Variants in SOX5 observed in about 807,000 individuals in gnomAD.
SOX5 encodes SRY-box transcription factor 5.
A neutral mutation model predicts 92.0 loss-of-function variants in SOX5; 9 were observed. The observed-to-expected ratio is 0.10, with a 90% CI of 0.06 to 0.17. The LOEUF is 0.17. Ranked by LOEUF, SOX5 falls within the 10% of genes least tolerant of loss-of-function variation. SOX5 has a pLI of 1.00. For synonymous variants in SOX5, 344 were observed against 336.3 expected (o/e 1.02, Z -0.25); for missense variants, 642 against 944.5 (o/e 0.68, Z 4.20).
chr12:24,483,692 G>A (rs955770938), intron 1 of SOX5, among the ~76,000 whole-genome samples: 2 of 152,130 alleles, frequency 1.3e-5, no homozygotes, highest in African/African-American at 2.4e-5. Flanking sequence ...AATTGTTCAC[G>A]TGAGCTGCTG....
At chr12:23,759,800 GTAAT>G (rs2094514322) in intron 3 of SOX5, among the ~76,000 whole-genome samples, 1 of 152,054 alleles carries the variant, frequency 6.6e-6, no homozygotes, top group Non-Finnish European at 1.5e-5. Flanking sequence ...AGTGAATACA[GTAAT>G]TATCTATTAA....
At chr12:24,538,517 TCCCAGG>T (rs1451049413) in intron 1 of SOX5, among the ~76,000 whole-genome samples, 1 of 151,882 alleles carries the variant, frequency 6.6e-6, no homozygotes, top group Non-Finnish European at 1.5e-5. Context: ...GAACACTTTG[TCCCAGG>T]GTTTCAAGCA....
chr12:24,003,751 C>G lies in SOX5; in HGVS notation c.-1-107727G>C, dbSNP rs1475809779. On this transcript the variant is annotated intron_variant, in intron 4 of 4. Coordinates refer to the SOX5 transcript ENST00000446891. ...TATGCCTACATATTAAACATACTCC[C>G]TATAAAAATGCCAGCAGGTTTTTTT... Among the ~76,000 whole-genome samples, 3 of 144,154 alleles carry G rather than the reference C, an allele frequency of 2.1e-5. No individual in the cohort carries two copies. The Admixed American group carries it at 2.2e-4, about 10-fold the overall frequency. 94.6% of individuals were successfully genotyped at this position (144,154 alleles called of 152,430 possible). A position where few individuals can be genotyped will look rare whatever the true frequency, so the allele number is the denominator to read the frequency against.
intron 3 of SOX5, among the ~76,000 whole-genome samples, chr12:23,771,430 G>A (rs1484143278): frequency 3.3e-5 from 5 of 152,294 alleles, no homozygotes; most frequent in South Asian, 4.1e-4. Context: ...GGCCCCGGCC[G>A]AGTACAGTCA....
At chr12:23,883,367 A>C (rs938753977) in intron 2 of SOX5, among the ~76,000 whole-genome samples, 45 of 152,324 alleles carry the variant, frequency 3.0e-4, no homozygotes, top group Admixed American at 4.6e-4. Context: ...ATATTCATTT[A>C]GGTTATTAAA....
At chr12:24,183,963 A>T (rs966673468) in intron 4 of SOX5, among the ~76,000 whole-genome samples, 2 of 152,136 alleles carry the variant, frequency 1.3e-5, no homozygotes, top group African/African-American at 4.8e-5. Flanking sequence ...CAGAGTAACC[A>T]CTCATTACAT....
intron 6 of SOX5, among the ~76,000 whole-genome samples, chr12:23,680,307 C>T (rs1242880233): frequency 1.8e-5 from 2 of 110,528 alleles, no homozygotes; most frequent in African/African-American, 3.5e-5. Flanking sequence ...GCCTGGGTGA[C>T]AGAGTGAGAC....
At chr12:24,212,969 C>T (rs1958799840) in intron 4 of SOX5, among the ~76,000 whole-genome samples, 1 of 152,030 alleles carries the variant, frequency 6.6e-6, no homozygotes. Context: ...CCTACAATTA[C>T]ATATTTATTA....
intron 1 of SOX5, among the ~76,000 whole-genome samples, chr12:24,503,644 C>A (rs565992783): frequency 6.6e-6 from 1 of 152,252 alleles, no homozygotes; most frequent in African/African-American, 2.4e-5. Context: ...ACTATGCAGC[C>A]TTAAAAAAGG....
At chr12:24,333,523 C>T (rs1038430412) in intron 2 of SOX5, among the ~76,000 whole-genome samples, 3 of 151,862 alleles carry the variant, frequency 2.0e-5, no homozygotes, top group African/African-American at 4.8e-5. Context: ...TAAAAATTCA[C>T]ATCAGTATGA....
intron 3 of SOX5, among the ~76,000 whole-genome samples, chr12:23,823,535 GC>G (rs1363832522): frequency 3.3e-5 from 5 of 152,078 alleles, no homozygotes; most frequent in Non-Finnish European, 5.9e-5. Context: ...TTTCTCTCTG[GC>G]TGCCCTTACC....
intron 4 of SOX5, among the ~76,000 whole-genome samples, chr12:24,062,240 C>G (rs550820913): frequency 1.3e-5 from 2 of 152,256 alleles, no homozygotes; most frequent in Admixed American, 6.5e-5. Context: ...TTATTTTTGC[C>G]AGGCTGCTCC....
At chr12:24,562,217 G>A (rs1954442585) in intron 1 of SOX5, 1 of 152,638 alleles carries the variant, frequency 6.6e-6, no homozygotes, top group African/African-American at 2.4e-5. Flanking sequence ...CTGGAGCCGG[G>A]AAGGAGTGCT....
At chr12:24,216,917 G>A (rs903962569) in intron 3 of SOX5, among the ~76,000 whole-genome samples, 1 of 152,298 alleles carries the variant, frequency 6.6e-6, no homozygotes, top group East Asian at 1.9e-4. Flanking sequence ...AACAGAGCAA[G>A]ACTCCATCTT....
intron 4 of SOX5, among the ~76,000 whole-genome samples, chr12:24,037,045 G>A (rs571681077): frequency 5.5e-4 from 83 of 152,032 alleles, no homozygotes; most frequent in African/African-American, 2.0e-3. Flanking sequence ...CACAAGAATG[G>A]CATTCACACC....
At chr12:24,230,044 G>A (rs896683703) in intron 3 of SOX5, among the ~76,000 whole-genome samples, 1 of 152,016 alleles carries the variant, frequency 6.6e-6, no homozygotes, top group African/African-American at 2.4e-5. Context: ...TTTCCTGAAC[G>A]TTAGCCCTAA....
Position 23,949,647 on chromosome 12 carries a change from C to A in SOX5, c.-46G>T. 6.2e-7 allele frequency: 1 copy of A among 1,613,334 alleles called. No individual in the cohort carries two copies. The highest frequency in any genetic ancestry group is 1.1e-5 in the South Asian group (1 of 91,036). ...CTTTGTCACAGCAGCCACCTATGAT[C>A]GTCTCCAACTGAACCTGTCAAGTGA... On this transcript the variant is annotated 5_prime_UTR_variant, in exon 1 of 15. Transcript: ENST00000451604.
chr12:24,142,279 T>C lies in SOX5; in HGVS notation c.-2+71064A>G, dbSNP rs565036727. Among the ~76,000 whole-genome samples the C allele has an allele frequency of 3.3e-5, 5 of 152,226 alleles. No homozygotes were observed. In the East Asian group the frequency reaches 9.7e-4, roughly 29 times the overall value. On this transcript the variant is annotated intron_variant, in intron 4 of 4. Transcript: ENST00000446891. The stretch of plus-strand genomic sequence containing the variant: ...CTTTCCCCATTCTATTTCTTGAGAT[T>C]GGCCTTAAATTGGAGATAAGTGTAA...
At chr12:24,362,325 C>G (rs899796224) in intron 2 of SOX5, among the ~76,000 whole-genome samples, 5 of 151,786 alleles carry the variant, frequency 3.3e-5, no homozygotes, top group Non-Finnish European at 7.4e-5. Context: ...GTGCTGAATT[C>G]AGTCCCATCA....
Sources: gnomAD v4.1 joint callset for allele counts (sites outside exome capture counted in the v4.1 genomes callset) on GRCh38, gnomAD v4.1.1 for gene constraint, MANE v1.5 for transcripts, NCBI Gene and HGNC (gene_info 2026-07-23, HGNC 2026-07-21) for gene names.